SUCO: variants seen among roughly 807,000 people sequenced by gnomAD.
The protein encoded by SUCO is SUN domain-containing ossification factor.
A neutral mutation model predicts 148.1 loss-of-function variants in SUCO; 57 were observed. That is an observed-to-expected ratio of 0.38 (90% confidence interval 0.31 to 0.48). The LOEUF (loss-of-function observed/expected upper bound fraction) is 0.48. Ranked by LOEUF, SUCO falls within the 20% of genes least tolerant of loss-of-function variation. The pLI, the probability that SUCO is intolerant of heterozygous loss-of-function variation, is 0.96. For missense variants in SUCO, 1,331 were observed against 1,468.2 expected, an observed-to-expected ratio of 0.91 and a Z score of 1.53; for synonymous variants, 470 against 502.7, an observed-to-expected ratio of 0.93 and a Z score of 0.87.
upstream of SUCO, chr1:172,533,068 C>T: frequency 1.4e-6 from 2 of 1,428,916 alleles, no homozygotes; most frequent in South Asian, 1.5e-5. Context: ...GCCCCGCCGG[C>T]GATTGGCTGT....
chr1:172,540,295 A>G (rs965503084), intron 1 of SUCO, among the ~76,000 whole-genome samples: 47 of 152,192 alleles, frequency 3.1e-4, no homozygotes, highest in Non-Finnish European at 2.9e-5. Context: ...TTTCTAGTTA[A>G]TAATTTTATC....
In SUCO at chr1:172,589,252, TGC is replaced by T. The variant is rs1457977062; in HGVS notation, c.2152_2153del (p.Ala718SerfsTer2). On this transcript the variant is annotated frameshift_variant, in exon 18 of 24. Transcript: ENST00000263688. LOFTEE classifies it high-confidence loss of function. ...QDDLVNHTVDAVELEPSHSQT... is the reference protein window; with the variant it reads ...QDDLVNHTVDXVELEPSHSQT... ...ATGACTTGGTGAATCACACTGTAGA[TGC>T]AGTTGAACTTGAACCAAGCCATTCT... The T allele has an allele frequency of 6.2e-7, 1 of 1,613,938 alleles. No homozygotes were observed.
Position 172,589,354 on chromosome 1 carries a change from G to A in SUCO, c.2253G>A (p.Glu751=), listed in dbSNP as rs116664035. The change falls in exon 18 of 24, where the codon GAG becomes GAA. Residue 751 remains glutamate, a synonymous_variant. Transcript: ENST00000263688. Reference sequence around the variant, plus strand: ...CCTTGCCTAAAATAGAAGTATCTGAGTCTGTTGAATATGAGGCAGGACATA... The same window carrying A: ...CCTTGCCTAAAATAGAAGTATCTGAATCTGTTGAATATGAGGCAGGACATA... The part of the protein sequence containing the change: ...INPLPKIEVS[E]SVEYEAGHIP... The A allele has an allele frequency of 1.2e-6, 2 of 1,613,664 alleles. No homozygotes were observed. Among genetic ancestry groups the A allele is most frequent in the East Asian group, 2.2e-5 (1 of 44,870 alleles).
rs764052512 is a variant in SUCO at position 172,589,713 on chromosome 1, C to T, written c.2612C>T (p.Ser871Phe). ...CCTGAAGTAAAAGAAGAAGAACAGT[C>T]TCCAGAAGATGCCCTTTTGAGAGGG... ...SLPEVKEEEQ[S>F]PEDALLRGLQ... Residue 871 changes from serine (S) to phenylalanine (F), a missense_variant, in exon 18 of 24, where the codon TCT becomes TTT. By Grantham distance (155) the Ser-to-Phe change is radical. This residue lies in a region of SUCO where 992 missense variants were observed against 1,093.5 expected (regional missense o/e 0.91). Transcript: ENST00000263688. The T allele has an allele frequency of 3.7e-6, 6 of 1,613,664 alleles. No individual in the cohort carries two copies. The highest frequency in any genetic ancestry group is 3.3e-5 in the South Asian group (3 of 91,036).
intron 1 of SUCO, among the ~76,000 whole-genome samples, chr1:172,542,183 C>T (rs1418745271): frequency 6.6e-6 from 1 of 152,000 alleles, no homozygotes; most frequent in Non-Finnish European, 1.5e-5. Flanking sequence ...AGTTCGAGAC[C>T]AGCCTGACCA....
rs187943433 is a variant in SUCO, at chr1:172,542,228, G to A, written c.62+8731G>A. On this transcript the variant is annotated intron_variant, in intron 1 of 23. Coordinates refer to ENST00000263688, the MANE Select transcript of SUCO (RefSeq NM_014283.5). ...AACCCCGTCTCTACTAAAAAAAATAGAAAATTAGCCGGGCATGGTAGCGCA... is the reference window on the plus strand; with the variant it reads ...AACCCCGTCTCTACTAAAAAAAATAAAAAATTAGCCGGGCATGGTAGCGCA... 1.1e-3 allele frequency among the ~76,000 whole-genome samples: 167 copies of A among 151,980 alleles called. 3 individuals carry two copies. In the East Asian group the frequency reaches 0.029, roughly 26 times the overall value.
intron 19 of SUCO, among the ~76,000 whole-genome samples, chr1:172,596,655 T>G (rs139526987): frequency 8.9e-4 from 136 of 152,294 alleles, no homozygotes; most frequent in African/African-American, 3.2e-3. Flanking sequence ...AAGCTTTGTC[T>G]CAGAGGGGCA....
At chr1:172,559,669 A>G (rs1169648139) in intron 6 of SUCO, among the ~76,000 whole-genome samples, 1 of 152,218 alleles carries the variant, frequency 6.6e-6, no homozygotes, top group Admixed American at 6.5e-5. Flanking sequence ...TTATATGCAA[A>G]TTAAAGGGTA....
chr1:172,588,343 G>A (rs1656382079), intron 17 of SUCO: 1 of 985,212 alleles, frequency 1.0e-6, no homozygotes, highest in Non-Finnish European at 1.2e-6. Flanking sequence ...CCTTATTTAA[G>A]CTAGTTTATT....
intron 6 of SUCO, among the ~76,000 whole-genome samples, chr1:172,560,910 C>G (rs970000674): frequency 2.0e-5 from 3 of 152,332 alleles, no homozygotes; most frequent in African/African-American, 7.2e-5. Context: ...GGGGTGTGAT[C>G]TTTATTCTTT....
At chr1:172,569,565 T>C (rs1402388668) in intron 7 of SUCO, 8 of 945,588 alleles carry the variant, frequency 8.5e-6, no homozygotes, top group African/African-American at 7.1e-5. Context: ...GCTTATGTTA[T>C]GAGGCAGAGG....
intron 1 of SUCO, among the ~76,000 whole-genome samples, chr1:172,550,065 A>C (rs933112997): frequency 1.3e-5 from 2 of 151,864 alleles, no homozygotes; most frequent in Non-Finnish European, 2.9e-5. Flanking sequence ...GTTTACAGCT[A>C]TCTTCCTGGG....
chr1:172,548,265 C>T (rs954150032), intron 1 of SUCO, among the ~76,000 whole-genome samples: 1 of 151,654 alleles, frequency 6.6e-6, no homozygotes, highest in Non-Finnish European at 1.5e-5. Context: ...AATGTTTCCT[C>T]TGTGGTTGTT....
chr1:172,592,020 C>T (rs1480733330), intron 19 of SUCO, among the ~76,000 whole-genome samples: 1 of 152,200 alleles, frequency 6.6e-6, no homozygotes, highest in Admixed American at 6.5e-5. Flanking sequence ...TTGCATTTCT[C>T]TGATGACCAG....
At chr1:172,574,899 T>C in intron 10 of SUCO, 1 of 985,230 alleles carries the variant, frequency 1.0e-6, no homozygotes, top group Non-Finnish European at 1.2e-6. Context: ...CTACCCTTGC[T>C]CAGTTCACTT....
chr1:172,569,407 C>A (rs1280947716), intron 7 of SUCO: 2 of 978,898 alleles, frequency 2.0e-6, no homozygotes, highest in Non-Finnish European at 1.2e-6. Context: ...CATCACAATA[C>A]GAGGAAAATT....
intron 9 of SUCO, among the ~76,000 whole-genome samples, chr1:172,572,014 G>A (rs867152923): frequency 2.6e-4 from 8 of 30,334 alleles, no homozygotes; most frequent in African/African-American, 9.9e-4. Context: ...CAGCCGCCCC[G>A]TCCGGGAGGG....
chr1:172,542,569 T>C (rs1652554979), intron 1 of SUCO: 1 of 184,504 alleles, frequency 5.4e-6, no homozygotes, highest in African/African-American at 2.4e-5. Flanking sequence ...AGAATTAGAT[T>C]CTCATAGGAG....
At chr1:172,595,737 A>C (rs1657047193) in intron 19 of SUCO, among the ~76,000 whole-genome samples, 1 of 152,154 alleles carries the variant, frequency 6.6e-6, no homozygotes, top group African/African-American at 2.4e-5. Context: ...ACTTTGGTGA[A>C]TCTGACAATT....
Sources: allele counts gnomAD v4.1 joint callset (sites outside exome capture counted in the v4.1 genomes callset), GRCh38; gene constraint gnomAD v4.1.1; regional missense constraint gnomAD v4.1.1; transcripts MANE v1.5; gene names NCBI Gene and HGNC (gene_info 2026-07-23, HGNC 2026-07-21).